The following ACADL variants were observed in gnomAD, a reference collection of about 807,000 sequenced individuals.
ACADL encodes the protein acyl-CoA dehydrogenase long chain.
ACADL carries 60 observed loss-of-function variants against 56.9 expected under a neutral mutation model. The observed-to-expected ratio is 1.05, with a 90% CI of 0.86 to 1.31. ACADL has a LOEUF of 1.31. ACADL is among the 50% of genes most tolerant of loss of function. The pLI, the probability that ACADL is intolerant of heterozygous loss-of-function variation, is 0.00. For synonymous variants in ACADL, 158 were observed against 179.7 expected (o/e 0.88, Z 0.97); for missense variants, 484 against 525.5 (o/e 0.92, Z 0.77).
intron 9 of ACADL, among the ~76,000 whole-genome samples, chr2:210,194,014 T>G (rs1688673222): frequency 1.3e-5 from 2 of 152,190 alleles, no homozygotes; most frequent in African/African-American, 4.8e-5. Flanking sequence ...TTTCTCTAAT[T>G]TTTTATATTT....
chr2:210,204,309 A>C (rs1688848814), intron 7 of ACADL, among the ~76,000 whole-genome samples: 1 of 152,226 alleles, frequency 6.6e-6, no homozygotes, highest in Non-Finnish European at 1.5e-5. Flanking sequence ...TTAAGAAGCT[A>C]AAATCATTCT....
chr2:210,224,050 AC>A (rs1689223458), intron 1 of ACADL, among the ~76,000 whole-genome samples: 2 of 151,420 alleles, frequency 1.3e-5, no homozygotes, highest in African/African-American at 2.4e-5. Context: ...ATATGGTGAA[AC>A]CCCCGTCTCT....
intron 8 of ACADL, among the ~76,000 whole-genome samples, chr2:210,196,662 A>G (rs912168883): frequency 2.0e-5 from 3 of 152,184 alleles, no homozygotes; most frequent in African/African-American, 7.2e-5. Context: ...TAGCTCCAAA[A>G]GTATACTCCA....
chr2:210,212,957 AGTACT>A (rs1392762465), intron 4 of ACADL, among the ~76,000 whole-genome samples: 1 of 152,172 alleles, frequency 6.6e-6, no homozygotes, highest in Non-Finnish European at 1.5e-5. Flanking sequence ...CACCATTCCC[AGTACT>A]CATAAGAGTG....
At chr2:210,221,919 G>A (rs561053038) in intron 1 of ACADL, among the ~76,000 whole-genome samples, 22 of 151,688 alleles carry the variant, frequency 1.5e-4, no homozygotes, top group Non-Finnish European at 2.2e-4. Context: ...TAGTAGAGAC[G>A]GGGTTTCACC....
chr2:210,202,787 A>G (rs1688816083), intron 8 of ACADL, among the ~76,000 whole-genome samples: 1 of 151,908 alleles, frequency 6.6e-6, no homozygotes, highest in Non-Finnish European at 1.5e-5. Flanking sequence ...TCTCTCAACT[A>G]CCATTCACAG....
intron 9 of ACADL, 90 bp from the exon 10 acceptor site, chr2:210,192,980 T>C: frequency 1.1e-6 from 1 of 942,538 alleles, no homozygotes; most frequent in Non-Finnish European, 1.7e-6. Flanking sequence ...TATTTACAAT[T>C]GTTTAAATGT....
intron 1 of ACADL, among the ~76,000 whole-genome samples, chr2:210,221,938 C>G (rs1689182282): frequency 6.6e-6 from 1 of 151,848 alleles, no homozygotes; most frequent in Non-Finnish European, 1.5e-5. Flanking sequence ...CCATGTTGAC[C>G]AGGTTGGTTT....
chr2:210,210,105 G>T, intron 5 of ACADL, 91 bp downstream of exon 5: 1 of 1,003,912 alleles, frequency 1.0e-6, no homozygotes, highest in Non-Finnish European at 1.6e-6. Context: ...TGAGTCCCTA[G>T]ATTTAATAGA....
At chr2:210,199,507 T>C (rs1688761619) in intron 8 of ACADL, among the ~76,000 whole-genome samples, 1 of 152,154 alleles carries the variant, frequency 6.6e-6, no homozygotes, top group Non-Finnish European at 1.5e-5. Context: ...ATTTTTCCCC[T>C]ATGAGAAAAC....
At chr2:210,198,002 A>G (rs1384712959) in intron 8 of ACADL, among the ~76,000 whole-genome samples, 2 of 152,212 alleles carry the variant, frequency 1.3e-5, no homozygotes, top group Admixed American at 6.5e-5. Flanking sequence ...ACACTGCATT[A>G]TGCTTTCTGA....
chr2:210,189,921 C>A (rs894194312), intron 10 of ACADL, among the ~76,000 whole-genome samples: 3 of 152,038 alleles, frequency 2.0e-5, no homozygotes, highest in African/African-American at 4.8e-5. Context: ...AGGTATTCTG[C>A]CTCTTTTTCA....
chr2:210,202,526 G>T (rs1194406719), intron 8 of ACADL, among the ~76,000 whole-genome samples: 1 of 152,088 alleles, frequency 6.6e-6, no homozygotes, highest in Non-Finnish European at 1.5e-5. Context: ...TCCCTCTCCT[G>T]TTGATGGGAA....
At chr2:210,192,966 T>A in intron 9 of ACADL, 76 bp from the exon 10 acceptor site, 1 of 1,105,804 alleles carries the variant, frequency 9.0e-7, no homozygotes, top group South Asian at 1.3e-5. Context: ...ACCAGAAAAC[T>A]AATTATTTAC....
intron 8 of ACADL, among the ~76,000 whole-genome samples, chr2:210,196,597 TGAG>T (rs1688714440): frequency 6.6e-6 from 1 of 152,174 alleles, no homozygotes; most frequent in Non-Finnish European, 1.5e-5. Flanking sequence ...CACTGACTCT[TGAG>T]CCTCCCTCAG....
At position 210,217,962 on chromosome 2, in the gene ACADL, T is replaced by TA; in HGVS notation, c.371+2dup. 3 of 1,614,066 alleles carry TA rather than the reference T, an allele frequency of 1.9e-6. No individual in the cohort carries two copies. The highest frequency in any genetic ancestry group is 1.1e-5 in the South Asian group (1 of 91,082). On this transcript the variant is annotated splice_region_variant and intron_variant, in intron 3 of 10. Coordinates refer to ENST00000233710, the MANE Select transcript of ACADL (RefSeq NM_001608.4). ...ACTCAACCTTAAAAGTCTCCATACTTACTGCTCCTCCCAGACAATAGCTGC... is the reference window on the plus strand; with the variant it reads ...ACTCAACCTTAAAAGTCTCCATACTTAACTGCTCCTCCCAGACAATAGCTGC...
chr2:210,219,914 G>A (rs1352558103), intron 2 of ACADL, among the ~76,000 whole-genome samples: 5 of 152,214 alleles, frequency 3.3e-5, no homozygotes, highest in East Asian at 1.9e-4. Flanking sequence ...CATGTTTAAT[G>A]TAGGCTGGCC....
intron 6 of ACADL, among the ~76,000 whole-genome samples, chr2:210,205,147 C>A (rs753254694): frequency 3.6e-4 from 55 of 152,066 alleles, no homozygotes; most frequent in Non-Finnish European, 1.5e-4. Flanking sequence ...CTGCCTCAGC[C>A]TCCCGAGTAG....
intron 10 of ACADL, 74 bp downstream of exon 10, chr2:210,192,730 T>C (rs1688653211): frequency 9.0e-7 from 1 of 1,116,028 alleles, no homozygotes; most frequent in Non-Finnish European, 1.4e-6. Context: ...CCCTCTACAT[T>C]TGATGTACAA....
Sources: allele counts gnomAD v4.1 joint callset (sites outside exome capture counted in the v4.1 genomes callset), GRCh38; gene constraint gnomAD v4.1.1; transcripts MANE v1.5; gene names NCBI Gene and HGNC (gene_info 2026-07-23, HGNC 2026-07-21).